The following RPS6KC1 variants were observed in gnomAD, a reference collection of about 807,000 sequenced individuals.
RPS6KC1 encodes the protein ribosomal protein S6 kinase C1.
A neutral mutation model predicts 103.8 loss-of-function variants in RPS6KC1; 54 were observed. That is an observed-to-expected ratio of 0.52 (90% confidence interval 0.42 to 0.65). RPS6KC1 has a LOEUF of 0.65. Among genes scored for constraint, RPS6KC1 ranks in the 30% least tolerant of loss-of-function variants. RPS6KC1 has a pLI of 0.00. For missense variants in RPS6KC1, 1,151 were observed against 1,253.8 expected (o/e 0.92, Z 1.24); for synonymous variants, 439 against 438.7 (o/e 1.00, Z -0.01).
At chr1:213,231,146 A>G (rs1048877020) in intron 9 of RPS6KC1, among the ~76,000 whole-genome samples, 2 of 152,168 alleles carry the variant, frequency 1.3e-5, no homozygotes, top group Admixed American at 6.5e-5. Flanking sequence ...TGTTGTTTGA[A>G]TGTGTAGTGT....
At chr1:213,741,003 CAGAT>C in the RPS6KC1 span, among the ~76,000 whole-genome samples, 1 of 148,042 alleles carries the variant, frequency 6.8e-6, no homozygotes, top group African/African-American at 2.5e-5. Flanking sequence ...ATATATATCT[CAGAT>C]ATATATACAC....
intron 3 of RPS6KC1, among the ~76,000 whole-genome samples, chr1:213,102,405 T>C (rs943330768): frequency 1.3e-5 from 2 of 152,166 alleles, no homozygotes; most frequent in African/African-American, 4.8e-5. Flanking sequence ...TTTTTAACCT[T>C]CCACTTCTTG....
chr1:213,816,127 A>G, the RPS6KC1 span, among the ~76,000 whole-genome samples: 1 of 152,284 alleles, frequency 6.6e-6, no homozygotes, highest in East Asian at 1.9e-4. Context: ...ACCTCAAAAC[A>G]ACTACAATAG....
the RPS6KC1 span, among the ~76,000 whole-genome samples, chr1:213,747,914 T>A: frequency 6.6e-6 from 1 of 152,336 alleles, no homozygotes; most frequent in East Asian, 1.9e-4. Flanking sequence ...TTAATTATGG[T>A]ATGGACAATA....
Position 213,241,112 on chromosome 1 carries a change from G to C in RPS6KC1, c.1636G>C (p.Ala546Pro), listed in dbSNP as rs35281247. ...TGAAGGGAATGGTGTTGATACAAAAGCTATTAAAAGCTTCCCAGCACACCT... is the reference window on the plus strand; with the variant it reads ...TGAAGGGAATGGTGTTGATACAAAACCTATTAAAAGCTTCCCAGCACACCT... ...KTEGNGVDTK[A>P]IKSFPAHLAA... Residue 546 changes from alanine to proline, a missense_variant, in exon 11 of 15, where the codon GCT becomes CCT. By Grantham distance (27) the Ala-to-Pro change is conservative. Transcript: ENST00000366960. The C allele has an allele frequency of 2.1e-3, 3,335 of 1,613,634 alleles. 56 individuals carry two copies. The African/African-American group carries it at 0.037, about 18-fold the overall frequency.
chr1:213,605,104 T>A, the RPS6KC1 span, among the ~76,000 whole-genome samples: 3 of 152,196 alleles, frequency 2.0e-5, no homozygotes. Context: ...TTCTCTGTCA[T>A]GGTGCCCTTA....
chr1:213,273,788 T>C lies in RPS6KC1; in HGVS notation c.*1154T>C, dbSNP rs777461371. 6.6e-6 allele frequency: 1 copy of C among 152,386 alleles called. No homozygotes were observed. The highest frequency in any genetic ancestry group is 1.9e-4 in the East Asian group (1 of 5,188). 9.4% of individuals were successfully genotyped at this position (152,386 alleles called of 1,614,324 possible). ...GTTGCTAAGGTAGCTCCTGTAGTTATGCATTGTTGCAAAAATTTACAAATG... is the reference window on the plus strand; with the variant it reads ...GTTGCTAAGGTAGCTCCTGTAGTTACGCATTGTTGCAAAAATTTACAAATG... On this transcript the variant is annotated 3_prime_UTR_variant, in exon 15 of 15. Transcript: ENST00000366960.
chr1:213,800,676 G>A, the RPS6KC1 span, among the ~76,000 whole-genome samples: 1 of 152,290 alleles, frequency 6.6e-6, no homozygotes, highest in South Asian at 2.1e-4. Context: ...CACGAGTCTA[G>A]AAGTGATGGT....
At chr1:213,225,682 C>A (rs766350776) in intron 8 of RPS6KC1, among the ~76,000 whole-genome samples, 1 of 152,206 alleles carries the variant, frequency 6.6e-6, no homozygotes, top group Admixed American at 6.5e-5. Context: ...AGCCACTGCG[C>A]CCAGCCGGTT....
the RPS6KC1 span, among the ~76,000 whole-genome samples, chr1:213,356,331 G>T: frequency 6.6e-6 from 1 of 152,182 alleles, no homozygotes; most frequent in Non-Finnish European, 1.5e-5. Flanking sequence ...CGTTTTCAAA[G>T]GTCACTGGTT....
intron 6 of RPS6KC1, among the ~76,000 whole-genome samples, chr1:213,147,942 A>G (rs1350487165): frequency 1.3e-5 from 2 of 151,816 alleles, no homozygotes; most frequent in Admixed American, 6.6e-5. Context: ...TTAGATATTC[A>G]GTTTTATTTG....
the RPS6KC1 span, among the ~76,000 whole-genome samples, chr1:213,759,135 C>G: frequency 6.6e-6 from 1 of 152,184 alleles, no homozygotes; most frequent in East Asian, 1.9e-4. Context: ...AACCACCACC[C>G]TGATCAGTCA....
At chr1:213,299,155 G>C in the RPS6KC1 span, among the ~76,000 whole-genome samples, 15 of 152,162 alleles carry the variant, frequency 9.9e-5, no homozygotes, top group Admixed American at 6.5e-5. Context: ...TGTATCCCAG[G>C]AAAGCAAGAG....
chr1:213,856,627 A>T, the RPS6KC1 span, among the ~76,000 whole-genome samples: 1 of 152,202 alleles, frequency 6.6e-6, no homozygotes, highest in South Asian at 2.1e-4. Flanking sequence ...TTTTTTGCAT[A>T]ATTTTTACTA....
At chr1:213,468,830 C>T in the RPS6KC1 span, among the ~76,000 whole-genome samples, 5 of 152,194 alleles carry the variant, frequency 3.3e-5, no homozygotes, top group African/African-American at 1.2e-4. Context: ...GTGCCCTTCA[C>T]TCACGATGTG....
At chr1:213,606,718 T>A in the RPS6KC1 span, among the ~76,000 whole-genome samples, 3 of 152,194 alleles carry the variant, frequency 2.0e-5, no homozygotes, top group Non-Finnish European at 4.4e-5. Context: ...TCGTGTGAGA[T>A]GCCCCCTGGA....
the RPS6KC1 span, among the ~76,000 whole-genome samples, chr1:213,417,164 G>A: frequency 6.6e-6 from 1 of 152,064 alleles, no homozygotes; most frequent in Non-Finnish European, 1.5e-5. Flanking sequence ...CCTCCTCGCT[G>A]CCTTTCTTTC....
intron 1 of RPS6KC1, among the ~76,000 whole-genome samples, chr1:213,065,939 T>G (rs1422573526): frequency 6.6e-6 from 1 of 152,226 alleles, no homozygotes; most frequent in Non-Finnish European, 1.5e-5. Context: ...GATCTCATTC[T>G]AAATTTGAAG....
intron 8 of RPS6KC1, among the ~76,000 whole-genome samples, chr1:213,195,106 T>C (rs111566686): frequency 0.01 from 1,542 of 152,290 alleles, 9 homozygotes; most frequent in Middle Eastern, 0.017. Flanking sequence ...TTTTTAATTT[T>C]CTAGTTTTTT....
Sources: allele counts gnomAD v4.1 joint callset (sites outside exome capture counted in the v4.1 genomes callset), GRCh38; gene constraint gnomAD v4.1.1; transcripts MANE v1.5; gene names NCBI Gene and HGNC (gene_info 2026-07-23, HGNC 2026-07-21).